The following PDE10A variants were observed in gnomAD, a reference collection of about 807,000 sequenced individuals.
PDE10A encodes phosphodiesterase 10A, also known as cAMP and cAMP-inhibited cGMP 3',5'-cyclic phosphodiesterase 10A.
In PDE10A, 39 loss-of-function variants were observed where a neutral mutation model predicts 97.7. The ratio of observed to expected loss-of-function variants is 0.40; its 90% CI spans 0.31 to 0.52. The LOEUF (loss-of-function observed/expected upper bound fraction) is 0.52, where lower values mean the gene tolerates loss of function less well. PDE10A is among the 20% of genes least tolerant of loss of function. PDE10A has a pLI of 0.56. For synonymous variants in PDE10A, 371 were observed against 376.8 expected (o/e 0.98, Z 0.18); for missense variants, 731 against 1,047.8 (o/e 0.70, Z 4.17).
At chr6:165,538,110 T>C (rs1414128398) in intron 2 of PDE10A, among the ~76,000 whole-genome samples, 1 of 152,076 alleles carries the variant, frequency 6.6e-6, no homozygotes, top group Non-Finnish European at 1.5e-5. Flanking sequence ...GGTTATCAAA[T>C]AGTAGGTTTA....
At chr6:165,861,607 A>G (rs1265209919) in intron 1 of PDE10A, among the ~76,000 whole-genome samples, 1 of 152,004 alleles carries the variant, frequency 6.6e-6, no homozygotes. Flanking sequence ...GGTGTGATCC[A>G]ACAGCAGTCG....
intron 1 of PDE10A, among the ~76,000 whole-genome samples, chr6:165,911,224 C>T (rs1782444616): frequency 1.3e-5 from 2 of 152,146 alleles, no homozygotes; most frequent in Admixed American, 1.3e-4. Flanking sequence ...GAGTAATCAA[C>T]AAACTCTTCT....
intron 1 of PDE10A, among the ~76,000 whole-genome samples, chr6:165,695,079 A>C (rs534711751): frequency 4.9e-4 from 74 of 152,336 alleles, no homozygotes; most frequent in Admixed American, 3.4e-3. Context: ...ATATAGAGAC[A>C]TAAGACTTAT....
rs144891757 is a variant in PDE10A, at chr6:165,539,788, G to A, written c.994+3652C>T. Among the ~76,000 whole-genome samples, 320 of 152,078 alleles carry A rather than the reference G, an allele frequency of 2.1e-3. 2 individuals carry two copies. Among genetic ancestry groups the A allele is most frequent in the African/African-American group, 7.3e-3 (303 of 41,478 alleles). On this transcript the variant is annotated intron_variant, in intron 2 of 21. Transcript: ENST00000539869. The stretch of plus-strand genomic sequence containing the variant: ...AAAAAAATACAAATAGTAGCCGGGC[G>A]TGGTGGTGCGCACCTGTAATCCCAG...
chr6:165,839,892 C>CCAGCCTCATCT (rs1780185942), intron 1 of PDE10A, among the ~76,000 whole-genome samples: 1 of 4,272 alleles, frequency 2.3e-4, no homozygotes, highest in Non-Finnish European at 5.9e-4. Flanking sequence ...TGTCTCCATC[C>CCAGCCTCATCT]CCATTCCCAT....
At chr6:165,339,168 C>A in intron 20 of PDE10A, 110 bp downstream of exon 20, 1 of 768,386 alleles carries the variant, frequency 1.3e-6, no homozygotes. Flanking sequence ...CTGGAATAAC[C>A]CATTCCCTTA....
At chr6:165,810,159 C>G (rs966562615) in intron 1 of PDE10A, among the ~76,000 whole-genome samples, 4 of 152,076 alleles carry the variant, frequency 2.6e-5, no homozygotes, top group Non-Finnish European at 5.9e-5. Flanking sequence ...GTGTTGATCC[C>G]CCGTGAGCTG....
intron 18 of PDE10A, among the ~76,000 whole-genome samples, chr6:165,357,909 G>A (rs1167571399): frequency 6.6e-6 from 1 of 151,724 alleles, no homozygotes; most frequent in African/African-American, 2.4e-5. Context: ...TTTTTTTCTA[G>A]CTGCTTAAGG....
At chr6:165,765,167 G>A (rs1327639332) in intron 1 of PDE10A, among the ~76,000 whole-genome samples, 1 of 152,254 alleles carries the variant, frequency 6.6e-6, no homozygotes, top group Admixed American at 6.5e-5. Context: ...CAATCCCTGA[G>A]CTAGACATAA....
chr6:165,353,493 AG>A (rs1291700775), intron 18 of PDE10A, among the ~76,000 whole-genome samples: 2 of 152,196 alleles, frequency 1.3e-5, no homozygotes, highest in Non-Finnish European at 2.9e-5. Context: ...GGTGTCCTTC[AG>A]TAGATGAATG....
At position 165,433,061 on chromosome 6, in the gene PDE10A, T is replaced by C. The variant is rs1195575015; in HGVS notation, c.1404A>G (p.Pro468=). The C allele has an allele frequency of 3.1e-6, 5 of 1,613,502 alleles. No individual in the cohort carries two copies. In the South Asian group the frequency reaches 5.5e-5, roughly 18 times the overall value. The part of the protein sequence containing the change: ...GTRIQSVLCL[P]IVTAIGDLIG... ...TCAAGTCACCAATTGCAGTGACAAT[T>C]GGTAAGCAAAGAACAGACTGGATAC... The change falls in exon 7 of 22, where the codon CCA becomes CCG. Residue 468 remains proline (P), a synonymous_variant. Coordinates refer to ENST00000539869, the MANE Select transcript of PDE10A (RefSeq NM_001385079.1).
intron 1 of PDE10A, among the ~76,000 whole-genome samples, chr6:165,587,115 C>A (rs114827236): frequency 4.6e-5 from 7 of 152,038 alleles, no homozygotes; most frequent in Admixed American, 4.6e-4. Flanking sequence ...TAGAATGGCA[C>A]GTGGAATGTG....
rs569372558 is a variant in PDE10A, at chr6:165,562,536, A to AT, written c.866-18969dup. On this transcript the variant is annotated intron_variant, in intron 1 of 21. Transcript: ENST00000539869. ...ACAATTCTTCAAGACATGTTTGATT[A>AT]TTTTTTTTTGTTTAGCATCTACATT... is the stretch of plus-strand genomic sequence containing the variant. Among the ~76,000 whole-genome samples, 34 of 151,664 alleles carry AT rather than the reference A, an allele frequency of 2.2e-4. No homozygotes were observed. In the South Asian group the frequency reaches 4.4e-3, roughly 19 times the overall value.
At chr6:165,604,495 A>G (rs77258321) in intron 1 of PDE10A, among the ~76,000 whole-genome samples, 2,545 of 148,702 alleles carry the variant, frequency 0.017, 71 homozygotes, top group African/African-American at 0.058. Context: ...CTACATGCAC[A>G]AGACTGCACT....
intron 1 of PDE10A, among the ~76,000 whole-genome samples, chr6:165,648,564 T>C (rs1789524403): frequency 6.6e-6 from 1 of 152,192 alleles, no homozygotes; most frequent in Non-Finnish European, 1.5e-5. Context: ...CTATCAGCCA[T>C]ACGCAGTACT....
chr6:165,407,186 T>C (rs1390742682), intron 13 of PDE10A, among the ~76,000 whole-genome samples: 2 of 152,168 alleles, frequency 1.3e-5, no homozygotes, highest in Non-Finnish European at 2.9e-5. Flanking sequence ...ATCCATATTT[T>C]ATATATAAAA....
Position 165,671,348 on chromosome 6 carries a change from T to A in PDE10A, c.-614-127780A>T, listed in dbSNP as rs1413373643. 1.3e-5 allele frequency among the ~76,000 whole-genome samples: 2 copies of A among 152,124 alleles called. No homozygotes were observed. The highest frequency in any genetic ancestry group is 1.5e-5 in the Non-Finnish European group (1 of 68,022). On this transcript the variant is annotated intron_variant, in intron 1 of 19. Transcript: ENST00000366882. This position sits in a 1 kb window ranked among gnomAD's most constrained non-coding sequence, Gnocchi z 4.6. ...GGAATATAGTAAGCACAACGACCCA[T>A]GAGTGATCACAGAGTGAGCATAACC... is the stretch of plus-strand genomic sequence containing the variant.
intron 6 of PDE10A, 132 bp downstream of exon 6, chr6:165,435,105 T>C (rs913876466): frequency 7.0e-6 from 6 of 851,208 alleles, no homozygotes; most frequent in South Asian, 3.6e-5. Flanking sequence ...CACATTAATA[T>C]ATTGATCTGT....
At chr6:165,749,220 TCA>T (rs1792916020) in intron 1 of PDE10A, among the ~76,000 whole-genome samples, 3 of 4,024 alleles carry the variant, frequency 7.5e-4, no homozygotes, top group African/African-American at 2.8e-3. Context: ...ACCATCACCA[TCA>T]TATCACCATC....
Sources: gnomAD v4.1 joint callset for allele counts (sites outside exome capture counted in the v4.1 genomes callset) on GRCh38, gnomAD v4.1.1 for gene constraint, Gnocchi (gnomAD v3.1) non-coding constraint, MANE v1.5 for transcripts, NCBI Gene and HGNC (gene_info 2026-07-23, HGNC 2026-07-21) for gene names.